The following PLGRKT variants were observed in gnomAD, a reference collection of about 807,000 sequenced individuals.
The protein encoded by PLGRKT is plasminogen receptor (KT).
PLGRKT carries 22 observed loss-of-function variants against 18.5 expected under a neutral mutation model. That is an observed-to-expected ratio of 1.19 (90% CI 0.85 to 1.70). PLGRKT has a LOEUF of 1.70. Among genes scored for constraint, PLGRKT ranks in the 40% most tolerant of loss-of-function variants. The probability of loss-of-function intolerance (pLI) is 0.00; values close to 1 mark genes in which losing one functional copy is unlikely to be tolerated. For synonymous variants in PLGRKT, 72 were observed against 52.8 expected (o/e 1.36, Z -1.58); for missense variants, 235 against 174.4 (o/e 1.35, Z -1.96).
intron 3 of PLGRKT, among the ~76,000 whole-genome samples, chr9:5,362,562 T>G (rs1353544070): frequency 6.6e-6 from 1 of 152,188 alleles, no homozygotes; most frequent in Admixed American, 6.5e-5. Flanking sequence ...TGAAGAGAGT[T>G]ATATTCTTGA....
chr9:5,403,170 G>C (rs1475543925), intron 3 of PLGRKT, among the ~76,000 whole-genome samples: 1 of 151,440 alleles, frequency 6.6e-6, no homozygotes. Flanking sequence ...CCAATACTAG[G>C]TGCTTTGTTA....
At chr9:5,358,485 T>A in intron 5 of PLGRKT, 125 bp from the exon 6 acceptor site, 1 of 692,370 alleles carries the variant, frequency 1.4e-6, no homozygotes, top group Non-Finnish European at 2.4e-6. Flanking sequence ...ATCTCACACT[T>A]AAACATTTTC....
chr9:5,396,375 T>C lies in PLGRKT; in HGVS notation c.82-34487A>G, dbSNP rs896262469. ...ATCTCGGCTCACTGCAACCTCAACCTCCCAGGTTCAAGTGATTCTCCTGCC... is the reference window on the plus strand; with the variant it reads ...ATCTCGGCTCACTGCAACCTCAACCCCCCAGGTTCAAGTGATTCTCCTGCC... On this transcript the variant is annotated intron_variant, in intron 3 of 5. Transcript: ENST00000223864. 1.9e-4 allele frequency among the ~76,000 whole-genome samples: 29 copies of C among 148,908 alleles called. 1 individual carries two copies. Among genetic ancestry groups the C allele is most frequent in the Non-Finnish European group, 3.0e-5 (2 of 66,988 alleles).
intron 3 of PLGRKT, among the ~76,000 whole-genome samples, chr9:5,408,407 A>T (rs750465713): frequency 6.6e-6 from 1 of 152,222 alleles, no homozygotes; most frequent in Non-Finnish European, 1.5e-5. Context: ...GCCAAGGGAT[A>T]TGCGCAACTT....
At chr9:5,366,063 T>C in intron 3 of PLGRKT, among the ~76,000 whole-genome samples, 1 of 152,328 alleles carries the variant, frequency 6.6e-6, no homozygotes, top group Non-Finnish European at 1.5e-5. Context: ...TCAATTAAAA[T>C]GTTATTAACT....
At chr9:5,371,643 G>C (rs1193502521) in intron 3 of PLGRKT, among the ~76,000 whole-genome samples, 1 of 152,070 alleles carries the variant, frequency 6.6e-6, no homozygotes, top group Non-Finnish European at 1.5e-5. Flanking sequence ...GCGTGAAAAT[G>C]GACTAATACA....
chr9:5,361,593 C>T (rs895816116), intron 4 of PLGRKT, among the ~76,000 whole-genome samples, 165 bp downstream of exon 4: 6 of 152,156 alleles, frequency 3.9e-5, no homozygotes, highest in African/African-American at 1.4e-4. Context: ...ACTGTTACTG[C>T]CTTGCTTTCA....
chr9:5,434,314 G>A (rs1477131520), intron 2 of PLGRKT, among the ~76,000 whole-genome samples: 1 of 145,346 alleles, frequency 6.9e-6, no homozygotes, highest in African/African-American at 2.6e-5. Context: ...TCTGGGAAGT[G>A]GGCGCCTCTG....
At chr9:5,422,452 C>A (rs1296168172) in intron 3 of PLGRKT, among the ~76,000 whole-genome samples, 1 of 152,178 alleles carries the variant, frequency 6.6e-6, no homozygotes, top group Non-Finnish European at 1.5e-5. Context: ...CAAATACAAA[C>A]TGTAGCACAT....
chr9:5,424,430 A>G (rs1242833778), intron 3 of PLGRKT, among the ~76,000 whole-genome samples: 1 of 108,558 alleles, frequency 9.2e-6, no homozygotes, highest in Non-Finnish European at 1.9e-5. Flanking sequence ...AATATATAAC[A>G]TATTATAAAA....
intron 3 of PLGRKT, among the ~76,000 whole-genome samples, chr9:5,387,203 G>A (rs1435297800): frequency 1.3e-5 from 2 of 151,872 alleles, no homozygotes; most frequent in African/African-American, 4.9e-5. Flanking sequence ...GGGTCTCGTA[G>A]GCCTTTGCCA....
chr9:5,389,809 A>C (rs1342160942), intron 3 of PLGRKT, among the ~76,000 whole-genome samples: 2 of 151,952 alleles, frequency 1.3e-5, no homozygotes, highest in East Asian at 3.8e-4. Context: ...TTATAAGGAC[A>C]AAGTAGAGAA....
chr9:5,367,020 T>TACACACACAC (rs775299015), intron 3 of PLGRKT, among the ~76,000 whole-genome samples: 20 of 58,158 alleles, frequency 3.4e-4, no homozygotes, highest in African/African-American at 7.7e-4. Context: ...GACAGACAGA[T>TACACACACAC]ACACACACAT....
chr9:5,376,264 A>G (rs1266296942), intron 3 of PLGRKT, among the ~76,000 whole-genome samples: 1 of 152,032 alleles, frequency 6.6e-6, no homozygotes, highest in African/African-American at 2.4e-5. Flanking sequence ...TGTTCTGGAG[A>G]TGGAGGGTGG....
chr9:5,418,449 G>A lies in PLGRKT; in HGVS notation c.81+13448C>T, dbSNP rs955507335. The A allele has an allele frequency of 6.0e-6, 6 of 1,005,014 alleles. No individual in the cohort carries two copies. The highest frequency in any genetic ancestry group is 2.6e-5 in the East Asian group (1 of 39,148). The allele number at this position is 1,005,014 out of a possible 1,614,324, so 62.3% of individuals were successfully genotyped here. On this transcript the variant is annotated intron_variant, in intron 3 of 5. Transcript: ENST00000223864. The surrounding 1 kb of genome is among the most constrained non-coding windows in gnomAD (Gnocchi z 4.2). ...CGATGCTGAGGAGGAAGACCAAGAC[G>A]CAAGCCACCAAGATGACAGTGCACA...
intron 3 of PLGRKT, among the ~76,000 whole-genome samples, chr9:5,390,680 C>G (rs1257172991): frequency 6.6e-6 from 1 of 151,880 alleles, no homozygotes; most frequent in East Asian, 1.9e-4. Context: ...TTCCTCCAAA[C>G]TGCAGCTTCC....
chr9:5,415,877 A>G (rs564186348), intron 3 of PLGRKT, among the ~76,000 whole-genome samples: 3 of 152,156 alleles, frequency 2.0e-5, no homozygotes, highest in Admixed American at 2.0e-4. Flanking sequence ...GAAGACATCA[A>G]TTAAATGTGA....
At chr9:5,424,077 G>A (rs1024576940) in intron 3 of PLGRKT, among the ~76,000 whole-genome samples, 32 of 132,074 alleles carry the variant, frequency 2.4e-4, no homozygotes, top group African/African-American at 9.1e-4. Flanking sequence ...TAATATATAT[G>A]TATAATATAT....
At chr9:5,387,316 GA>G (rs922962795) in intron 3 of PLGRKT, among the ~76,000 whole-genome samples, 17 of 151,998 alleles carry the variant, frequency 1.1e-4, no homozygotes, top group African/African-American at 4.1e-4. Flanking sequence ...TCTGTTTTAA[GA>G]ATATTGAGTA....
Sources: gnomAD v4.1 joint callset for allele counts (sites outside exome capture counted in the v4.1 genomes callset) on GRCh38, gnomAD v4.1.1 for gene constraint, Gnocchi (gnomAD v3.1) non-coding constraint, MANE v1.5 for transcripts, NCBI Gene and HGNC (gene_info 2026-07-23, HGNC 2026-07-21) for gene names.